The following RAD51B variants were observed in gnomAD, a reference collection of about 807,000 sequenced individuals.
The protein encoded by RAD51B is DNA repair protein RAD51 homolog 2.
RAD51B carries 38 observed loss-of-function variants against 42.2 expected under a neutral mutation model. The observed-to-expected ratio is 0.90, with a 90% CI of 0.70 to 1.18. The LOEUF is 1.18. Ranked by LOEUF, RAD51B falls within the 50% of genes most tolerant of loss-of-function variation. The pLI is 0.00. For synonymous variants in RAD51B, 154 were observed against 145.2 expected, an observed-to-expected ratio of 1.06 and a Z score of -0.43; for missense variants, 373 against 400.7, an observed-to-expected ratio of 0.93 and a Z score of 0.59.
intron 7 of RAD51B, among the ~76,000 whole-genome samples, chr14:67,989,788 C>T (rs927095298): frequency 6.6e-6 from 1 of 152,012 alleles, no homozygotes; most frequent in East Asian, 1.9e-4. Context: ...GTACCTTAGC[C>T]TTGAGGGTGT....
chr14:67,852,311 C>T (rs55867043), intron 4 of RAD51B, among the ~76,000 whole-genome samples: 20,124 of 152,200 alleles, frequency 0.13, 1,780 homozygotes, highest in Non-Finnish European at 0.2. Flanking sequence ...TAGAGCTACG[C>T]GAAAAAACCT....
At chr14:67,906,727 G>A (rs1433806434) in intron 7 of RAD51B, among the ~76,000 whole-genome samples, 1 of 151,938 alleles carries the variant, frequency 6.6e-6, no homozygotes, top group Non-Finnish European at 1.5e-5. Flanking sequence ...TTTCTGTGGG[G>A]TTGCTGGTAA....
intron 10 of RAD51B, among the ~76,000 whole-genome samples, chr14:68,648,674 AACAC>A (rs35200852): frequency 0.41 from 58,142 of 143,406 alleles, 11,645 homozygotes; most frequent in East Asian, 0.6. Flanking sequence ...AAAGCACACA[AACAC>A]ACACACACAC....
intron 7 of RAD51B, among the ~76,000 whole-genome samples, chr14:68,235,054 A>G (rs991143635): frequency 2.0e-5 from 3 of 152,186 alleles, no homozygotes; most frequent in African/African-American, 7.2e-5. Flanking sequence ...GAAAGAGTAC[A>G]CTGTAAAATA....
At chr14:67,948,499 G>A (rs1266235305) in intron 7 of RAD51B, among the ~76,000 whole-genome samples, 1 of 152,094 alleles carries the variant, frequency 6.6e-6, no homozygotes, top group Non-Finnish European at 1.5e-5. Context: ...GATATGGTGG[G>A]TTCCGTGTCA....
intron 7 of RAD51B, among the ~76,000 whole-genome samples, chr14:67,986,972 T>A (rs1310748056): frequency 6.6e-6 from 1 of 152,232 alleles, no homozygotes; most frequent in Non-Finnish European, 1.5e-5. Flanking sequence ...CCTCGGGTGA[T>A]CCACCCACCT....
chr14:68,357,982 T>C (rs1229953485), intron 8 of RAD51B, among the ~76,000 whole-genome samples: 1 of 152,222 alleles, frequency 6.6e-6, no homozygotes, highest in Admixed American at 6.5e-5. Context: ...TTCAATGTTC[T>C]TGGCCTAATT....
rs551085306 is a variant in RAD51B at position 68,138,468 on chromosome 14, A to G, written c.757-153416A>G. Among the ~76,000 whole-genome samples the G allele has an allele frequency of 5.9e-5, 9 of 152,338 alleles. No individual in the cohort carries two copies. The South Asian group carries it at 1.9e-3, about 32-fold the overall frequency. On this transcript the variant is annotated intron_variant, in intron 7 of 10. Transcript: ENST00000471583. ...TTACTGAGGGGATTAGTAACTCATT[A>G]AATCTTTTCTCTTCAAGGAGAAAAG...
chr14:67,927,888 G>A (rs529594235), intron 7 of RAD51B, among the ~76,000 whole-genome samples: 4 of 151,372 alleles, frequency 2.6e-5, no homozygotes, highest in African/African-American at 9.8e-5. Flanking sequence ...TTTTGGGTGT[G>A]CTGTTGGATC....
intron 9 of RAD51B, among the ~76,000 whole-genome samples, chr14:68,428,861 T>G (rs2084925467): frequency 6.6e-6 from 1 of 150,724 alleles, no homozygotes; most frequent in African/African-American, 2.5e-5. Context: ...ACCCATTAAC[T>G]CGTCATTTAC....
chr14:68,423,610 T>G (rs11850581), intron 9 of RAD51B, among the ~76,000 whole-genome samples: 9,645 of 152,280 alleles, frequency 0.063, 619 homozygotes, highest in African/African-American at 0.17. Context: ...ACTCCCTCTT[T>G]TATATCCCTA....
intron 7 of RAD51B, among the ~76,000 whole-genome samples, chr14:68,075,535 A>C (rs1216122864): frequency 6.6e-6 from 1 of 152,148 alleles, no homozygotes. Context: ...TCCCCTCCAC[A>C]TGGTGGCTGC....
chr14:68,127,640 CACACACACACACACAT>C (rs1393962009), intron 7 of RAD51B, among the ~76,000 whole-genome samples: 2,069 of 144,306 alleles, frequency 0.014, 52 homozygotes, highest in African/African-American at 0.051. Context: ...CACACACACA[CACACACACACACACAT>C]ACACACAGTA....
chr14:68,151,823 C>CTT (rs71129868), intron 7 of RAD51B, among the ~76,000 whole-genome samples: 4 of 39,936 alleles, frequency 1.0e-4, no homozygotes, highest in African/African-American at 1.9e-4. Flanking sequence ...GTTATAAAGA[C>CTT]TTTTTTTTTT....
At chr14:67,861,375 A>G (rs1009623509) in intron 4 of RAD51B, among the ~76,000 whole-genome samples, 14 of 152,040 alleles carry the variant, frequency 9.2e-5, no homozygotes, top group African/African-American at 3.4e-4. Flanking sequence ...ATGGTGGCTC[A>G]TGCCTGTAAT....
At chr14:68,531,779 A>C (rs1360300548) in intron 10 of RAD51B, among the ~76,000 whole-genome samples, 6 of 152,148 alleles carry the variant, frequency 3.9e-5, no homozygotes, top group African/African-American at 1.4e-4. Context: ...CAGGAGAATC[A>C]CTTGAGTTCA....
At chr14:68,380,435 C>G (rs188545043) in intron 8 of RAD51B, among the ~76,000 whole-genome samples, 37 of 152,212 alleles carry the variant, frequency 2.4e-4, no homozygotes, top group Middle Eastern at 6.8e-3. Flanking sequence ...CCAGCAGGCC[C>G]CAGATGGTTA....
At chr14:68,468,120 G>A in intron 9 of RAD51B, 52 bp from the exon 10 acceptor site, 1 of 1,489,396 alleles carries the variant, frequency 6.7e-7, no homozygotes, top group Non-Finnish European at 9.4e-7. Flanking sequence ...AGTGAATAGA[G>A]GCCCATCCCT....
At chr14:67,915,288 G>A (rs1464398035) in intron 7 of RAD51B, among the ~76,000 whole-genome samples, 1 of 152,158 alleles carries the variant, frequency 6.6e-6, no homozygotes, top group Non-Finnish European at 1.5e-5. Context: ...AAGAAGGGGG[G>A]GATTAGGTGT....
Sources: gnomAD v4.1 joint callset for allele counts (sites outside exome capture counted in the v4.1 genomes callset) on GRCh38, gnomAD v4.1.1 for gene constraint, MANE v1.5 for transcripts, NCBI Gene and HGNC (gene_info 2026-07-23, HGNC 2026-07-21) for gene names.